The following FANK1 variants were observed in gnomAD, a reference collection of about 807,000 sequenced individuals.
FANK1 encodes fibronectin type III and ankyrin repeat domains 1, also known as fibronectin type 3 and ankyrin repeat domains protein 1.
In FANK1, 44 loss-of-function variants were observed where a neutral mutation model predicts 45.3. That is an observed-to-expected ratio of 0.97 (90% CI 0.76 to 1.25). The LOEUF (loss-of-function observed/expected upper bound fraction) is 1.25. FANK1 is among the 50% of genes most tolerant of loss of function. FANK1 has a pLI of 0.00. For synonymous variants in FANK1, 149 were observed against 152.5 expected, an observed-to-expected ratio of 0.98 and a Z score of 0.17; for missense variants, 391 against 424.4, an observed-to-expected ratio of 0.92 and a Z score of 0.69.
At chr10:125,991,250 G>GGTGT (rs113257579) in intron 3 of FANK1, among the ~76,000 whole-genome samples, 37,682 of 145,870 alleles carry the variant, frequency 0.26, 5,236 homozygotes, top group Non-Finnish European at 0.33. Flanking sequence ...GGTGACCAGG[G>GGTGT]GTGTGTGTGT....
chr10:125,959,123 A>G (rs1248854896), intron 1 of FANK1, among the ~76,000 whole-genome samples: 1 of 152,288 alleles, frequency 6.6e-6, no homozygotes, highest in East Asian at 1.9e-4. Flanking sequence ...TAGGCCGAGC[A>G]TGGTGGCTCA....
intron 1 of FANK1, among the ~76,000 whole-genome samples, chr10:125,977,310 A>G (rs1950912352): frequency 6.6e-6 from 1 of 152,006 alleles, no homozygotes; most frequent in Admixed American, 6.5e-5. Flanking sequence ...TAGGGTCTTT[A>G]TTTGAAGCTT....
intron 1 of FANK1, among the ~76,000 whole-genome samples, chr10:125,941,177 AT>A (rs1948431136): frequency 6.6e-6 from 1 of 152,252 alleles, no homozygotes; most frequent in Non-Finnish European, 1.5e-5. Context: ...CAGAAGTTCT[AT>A]ATTTGCAACA....
At chr10:125,904,772 A>G (rs1204767046) in intron 1 of FANK1, among the ~76,000 whole-genome samples, 1 of 152,128 alleles carries the variant, frequency 6.6e-6, no homozygotes, top group Non-Finnish European at 1.5e-5. Flanking sequence ...TACTTTTGGT[A>G]TCAAGTTTAT....
intron 1 of FANK1, among the ~76,000 whole-genome samples, chr10:125,901,792 A>G (rs1263041697): frequency 6.6e-6 from 1 of 152,152 alleles, no homozygotes; most frequent in Non-Finnish European, 1.5e-5. Flanking sequence ...TTTTCTCTTA[A>G]TAGTAATAAT....
Position 125,900,901 on chromosome 10 carries a change from C to T in FANK1, c.13+4246C>T, listed in dbSNP as rs577940113. Among the ~76,000 whole-genome samples the T allele has an allele frequency of 6.6e-5, 10 of 152,262 alleles. No individual in the cohort carries two copies. In the East Asian group the frequency reaches 9.6e-4, roughly 15 times the overall value. On this transcript the variant is annotated intron_variant, in intron 1 of 10. Coordinates refer to ENST00000368693, the MANE Select transcript of FANK1 (RefSeq NM_145235.5). ...CTGATCTCATGTGATCCACCCGCCT[C>T]GGCCTCCCAAAGTGCTGGGATTATA...
rs552759892 is a variant in FANK1 at position 126,002,910 on chromosome 10, C to T, written c.540-1974C>T. Among the ~76,000 whole-genome samples the T allele has an allele frequency of 1.4e-4, 22 of 151,982 alleles. 1 individual carries two copies. In the South Asian group the frequency reaches 4.4e-3, roughly 30 times the overall value. On this transcript the variant is annotated intron_variant, in intron 6 of 10. Transcript: ENST00000368693. ...TAATCGTGTCATATCACTTCTAAGA[C>T]ACTTCAACTAATTCCTTAATATCAC...
chr10:125,971,920 C>T (rs755078401), intron 1 of FANK1, among the ~76,000 whole-genome samples: 3 of 152,134 alleles, frequency 2.0e-5, no homozygotes, highest in Non-Finnish European at 4.4e-5. Context: ...AGCCACTGCG[C>T]CCGGCCGCTC....
At chr10:125,993,440 G>C (rs1232664958) in intron 3 of FANK1, among the ~76,000 whole-genome samples, 2 of 152,188 alleles carry the variant, frequency 1.3e-5, no homozygotes, top group Non-Finnish European at 2.9e-5. Context: ...CTAGCCCAGG[G>C]TTCTCAACTT....
At chr10:125,923,417 T>G (rs1436253959) in intron 1 of FANK1, among the ~76,000 whole-genome samples, 1 of 151,818 alleles carries the variant, frequency 6.6e-6, no homozygotes. Context: ...GCTGTGATTG[T>G]GCCACTGCAC....
Position 126,008,300 on chromosome 10 carries a change from G to A in FANK1, c.706-107G>A, listed in dbSNP as rs185640383. ...GCAATGAACCAAATATAGAAAGACG[G>A]CTATCTAAGTCCGGGTGTTGGGGCA... is the stretch of plus-strand genomic sequence containing the variant. On this transcript the variant is annotated intron_variant, in intron 7 of 10. Coordinates refer to ENST00000368693, the MANE Select transcript of FANK1 (RefSeq NM_145235.5). 3.3e-3 allele frequency: 4,667 copies of A among 1,399,954 alleles called. 30 individuals are homozygous for A. Among genetic ancestry groups the A allele is most frequent in the Non-Finnish European group, 2.9e-3 (3,026 of 1,051,048 alleles). 86.7% of individuals were successfully genotyped at this position (1,399,954 alleles called of 1,614,324 possible).
chr10:125,965,919 C>T (rs1017730044), intron 1 of FANK1, among the ~76,000 whole-genome samples: 28 of 152,318 alleles, frequency 1.8e-4, no homozygotes, highest in African/African-American at 5.5e-4. Context: ...ACCTTATGTT[C>T]GTGAAGTCCT....
At chr10:125,969,428 A>T (rs1169569532) in intron 1 of FANK1, among the ~76,000 whole-genome samples, 1 of 152,052 alleles carries the variant, frequency 6.6e-6, no homozygotes, top group Non-Finnish European at 1.5e-5. Context: ...ACTTTTGTAT[A>T]AAAAGTAGCA....
At chr10:125,964,714 C>G (rs1950116531) in intron 1 of FANK1, among the ~76,000 whole-genome samples, 1 of 152,176 alleles carries the variant, frequency 6.6e-6, no homozygotes. Flanking sequence ...CTGCCATGAA[C>G]ATTCTTACAC....
intron 1 of FANK1, among the ~76,000 whole-genome samples, chr10:125,951,996 C>G (rs1949264505): frequency 6.6e-6 from 1 of 152,186 alleles, no homozygotes; most frequent in African/African-American, 2.4e-5. Context: ...CTTCAGGCCA[C>G]TTTGCTATAT....
intron 6 of FANK1, among the ~76,000 whole-genome samples, chr10:125,998,074 T>G (rs1381010564): frequency 6.6e-6 from 1 of 152,260 alleles, no homozygotes; most frequent in East Asian, 1.9e-4. Context: ...CTTGCTCATC[T>G]AGTCATTCAT....
At chr10:125,923,171 A>G (rs1947066576) in intron 1 of FANK1, among the ~76,000 whole-genome samples, 1 of 151,750 alleles carries the variant, frequency 6.6e-6, no homozygotes, top group African/African-American at 2.4e-5. Context: ...CCAAAAATTC[A>G]TATCTCACCA....
rs768285718 is a variant in FANK1, at chr10:125,980,291, G to A, written c.144G>A (p.Ser48=). ...QGPQEQWFRF[S]IEEEDPKMHT... is the part of the protein sequence containing the mutation. ...CTCAAGAGCAGTGGTTCAGGTTCTC[G>A]ATTGAAGAAGAAGACCCCAAAATGC... is the stretch of plus-strand genomic sequence containing the variant. Residue 48 remains serine, a synonymous_variant, in exon 2 of 11, where the codon TCG becomes TCA. Transcript: ENST00000368693. 2 of 1,613,966 alleles carry A rather than the reference G, an allele frequency of 1.2e-6. No individual in the cohort carries two copies. The highest frequency in any genetic ancestry group is 1.3e-5 in the African/African-American group (1 of 75,006).
intron 1 of FANK1, among the ~76,000 whole-genome samples, chr10:125,957,400 A>G (rs1170028462): frequency 6.6e-6 from 1 of 151,916 alleles, no homozygotes; most frequent in African/African-American, 2.4e-5. Context: ...TACTTTGTGT[A>G]GATCCAGATT....
Sources: allele counts gnomAD v4.1 joint callset (sites outside exome capture counted in the v4.1 genomes callset), GRCh38; gene constraint gnomAD v4.1.1; transcripts MANE v1.5; gene names NCBI Gene and HGNC (gene_info 2026-07-23, HGNC 2026-07-21).